RASAL2: variants seen among roughly 807,000 people sequenced by gnomAD.
The protein encoded by RASAL2 is ras GTPase-activating protein nGAP.
In RASAL2, 58 loss-of-function variants were observed where a neutral mutation model predicts 128.9. That is an observed-to-expected ratio of 0.45 (90% CI 0.36 to 0.56). The LOEUF (loss-of-function observed/expected upper bound fraction) is 0.56. RASAL2 is among the 20% of genes least tolerant of loss of function. The probability of loss-of-function intolerance (pLI) is 0.00; values close to 1 mark genes in which losing one functional copy is unlikely to be tolerated. For synonymous variants in RASAL2, 561 were observed against 580.8 expected, an observed-to-expected ratio of 0.97 and a Z score of 0.49; for missense variants, 1,360 against 1,601.6, an observed-to-expected ratio of 0.85 and a Z score of 2.57.
In RASAL2 at chr1:178,361,625, C is replaced by G. The variant is rs373728112; in HGVS notation, c.458-28475C>G. 2.4e-3 allele frequency among the ~76,000 whole-genome samples: 365 copies of G among 152,062 alleles called. 5 individuals are homozygous for G. The highest frequency in any genetic ancestry group is 7.9e-3 in the South Asian group (38 of 4,802). On this transcript the variant is annotated intron_variant, in intron 3 of 17. Coordinates refer to ENST00000367649, the MANE Select transcript of RASAL2 (RefSeq NM_170692.4). Reference sequence around the variant, plus strand: ...ACAGACTTTTGTTCTCATCACTATTCCCTAAACTAGTGCTCCCCAGCCTTT... The same window carrying G: ...ACAGACTTTTGTTCTCATCACTATTGCCTAAACTAGTGCTCCCCAGCCTTT...
chr1:178,407,284 T>A (rs1674058320), intron 4 of RASAL2, among the ~76,000 whole-genome samples: 1 of 152,210 alleles, frequency 6.6e-6, no homozygotes, highest in Non-Finnish European at 1.5e-5. Context: ...ATATAAAGAC[T>A]AGAAAGTAAA....
chr1:178,281,327 C>A, intron 1 of RASAL2, among the ~76,000 whole-genome samples: 1 of 151,700 alleles, frequency 6.6e-6, no homozygotes, highest in Non-Finnish European at 1.5e-5. Context: ...GTTCGGGGTT[C>A]CAGAATGTTT....
intron 1 of RASAL2, among the ~76,000 whole-genome samples, chr1:178,122,748 T>TGAAAAAAAC (rs1279098985): frequency 6.6e-6 from 1 of 152,200 alleles, no homozygotes; most frequent in African/African-American, 2.4e-5. Context: ...AATGTAGTTT[T>TGAAAAAAAC]TTTCACAAGG....
At chr1:178,176,835 A>G (rs1406706985) in intron 1 of RASAL2, among the ~76,000 whole-genome samples, 1 of 151,576 alleles carries the variant, frequency 6.6e-6, no homozygotes, top group African/African-American at 2.4e-5. Flanking sequence ...CATTTTGTAG[A>G]GACAGGGTTT....
rs1050256140 is a variant in RASAL2 at position 178,130,856 on chromosome 1, C to T, written c.202+36162C>T. Among the ~76,000 whole-genome samples, 240 of 152,056 alleles carry T rather than the reference C, an allele frequency of 1.6e-3. 3 individuals are homozygous for T. Among genetic ancestry groups the T allele is most frequent in the Non-Finnish European group, 1.9e-4 (13 of 67,980 alleles). On this transcript the variant is annotated intron_variant, in intron 1 of 17. Transcript: ENST00000367649. ...GATCACGAGGTCAGGAGATCGAGAC[C>T]ATCCTGGCTAACACAGTGAAACCCC...
chr1:178,369,459 A>T (rs1393592938), intron 3 of RASAL2, among the ~76,000 whole-genome samples: 2 of 151,674 alleles, frequency 1.3e-5, no homozygotes, highest in Admixed American at 6.6e-5. Context: ...CCTGACCTCA[A>T]GTGATCTGCC....
At chr1:178,262,603 A>G (rs367864534) in intron 1 of RASAL2, among the ~76,000 whole-genome samples, 8 of 152,340 alleles carry the variant, frequency 5.3e-5, no homozygotes, top group African/African-American at 1.7e-4. Flanking sequence ...TGAGAAGTAT[A>G]TACACATTTT....
intron 17 of RASAL2, among the ~76,000 whole-genome samples, chr1:178,471,785 G>A (rs866089451): frequency 2.6e-5 from 4 of 152,114 alleles, no homozygotes; most frequent in Admixed American, 6.5e-5. Context: ...TCTTCACTCT[G>A]CATGCTCCCA....
intron 1 of RASAL2, among the ~76,000 whole-genome samples, chr1:178,106,084 G>T (rs1659076916): frequency 6.6e-6 from 1 of 152,210 alleles, no homozygotes; most frequent in South Asian, 2.1e-4. Flanking sequence ...ATTGTTAGGA[G>T]TTAATCTATA....
chr1:178,476,211 T>C lies in RASAL2; in HGVS notation c.*2972T>C, dbSNP rs974954931. On this transcript the variant is annotated 3_prime_UTR_variant, in exon 18 of 18. Transcript: ENST00000367649. Reference sequence around the variant, plus strand: ...AGTGGAATTTGGAATTCAGGTGAAGTGCTTGTAAAGTGCATGTCTAGCTGA... The same window carrying C: ...AGTGGAATTTGGAATTCAGGTGAAGCGCTTGTAAAGTGCATGTCTAGCTGA... The C allele has an allele frequency of 1.3e-5, 2 of 152,226 alleles. No individual in the cohort carries two copies. Among genetic ancestry groups the C allele is most frequent in the Non-Finnish European group, 2.9e-5 (2 of 68,040 alleles). The allele number at this position is 152,226 out of a possible 1,614,324, so 9.4% of individuals were successfully genotyped here.
intron 13 of RASAL2, 103 bp from the exon 14 acceptor site, chr1:178,457,580 T>C (rs1677863438): frequency 8.6e-7 from 1 of 1,166,496 alleles, no homozygotes; most frequent in African/African-American, 1.6e-5. Flanking sequence ...AATGTACGTA[T>C]CCACATAAGA....
At chr1:178,101,412 C>A (rs979522420) in intron 1 of RASAL2, among the ~76,000 whole-genome samples, 10 of 152,028 alleles carry the variant, frequency 6.6e-5, no homozygotes, top group African/African-American at 2.4e-4. Flanking sequence ...TATTTTTACC[C>A]CTCCATAAAT....
intron 1 of RASAL2, among the ~76,000 whole-genome samples, chr1:178,151,346 A>T (rs749289994): frequency 6.6e-6 from 1 of 152,168 alleles, no homozygotes; most frequent in Non-Finnish European, 1.5e-5. Flanking sequence ...CGGAGGTTGC[A>T]GTGAGCCGAG....
intron 1 of RASAL2, among the ~76,000 whole-genome samples, chr1:178,159,456 C>G (rs1237093635): frequency 6.6e-6 from 1 of 152,084 alleles, no homozygotes; most frequent in African/African-American, 2.4e-5. Context: ...CTGCATACAG[C>G]GTAGCAGTTT....
chr1:178,385,521 G>C (rs1672515021), intron 3 of RASAL2, among the ~76,000 whole-genome samples: 2 of 151,998 alleles, frequency 1.3e-5, no homozygotes, highest in Admixed American at 1.3e-4. Flanking sequence ...ACGCATGTCT[G>C]ACCAGGTGGT....
intron 4 of RASAL2, among the ~76,000 whole-genome samples, chr1:178,402,684 A>C (rs1250070909): frequency 1.3e-5 from 2 of 152,164 alleles, no homozygotes; most frequent in Non-Finnish European, 2.9e-5. Flanking sequence ...TTTGCTCATG[A>C]CCATCCATAA....
chr1:178,229,830 A>G (rs1663929800), intron 1 of RASAL2, among the ~76,000 whole-genome samples: 1 of 152,202 alleles, frequency 6.6e-6, no homozygotes, highest in African/African-American at 2.4e-5. Context: ...AATTATGATG[A>G]AATGGTAAAC....
chr1:178,315,345 G>C (rs1668457352), intron 3 of RASAL2, among the ~76,000 whole-genome samples: 1 of 139,378 alleles, frequency 7.2e-6, no homozygotes. Context: ...TCTAGTTCTA[G>C]ATCCCTGAGG....
intron 1 of RASAL2, among the ~76,000 whole-genome samples, chr1:178,274,826 A>G (rs1286624417): frequency 6.6e-6 from 1 of 152,088 alleles, no homozygotes; most frequent in African/African-American, 2.4e-5. Context: ...CTGGAGCTCA[A>G]AGGATCCTCC....
Sources: gnomAD v4.1 joint callset for allele counts (sites outside exome capture counted in the v4.1 genomes callset) on GRCh38, gnomAD v4.1.1 for gene constraint, MANE v1.5 for transcripts, NCBI Gene and HGNC (gene_info 2026-07-23, HGNC 2026-07-21) for gene names.